The following MCC variants were observed in gnomAD, a reference collection of about 807,000 sequenced individuals.
MCC encodes the protein MCC regulator of Wnt signaling pathway, also known as colorectal mutant cancer protein.
MCC carries 90 observed loss-of-function variants against 116.2 expected under a neutral mutation model. The observed-to-expected ratio is 0.77, with a 90% CI of 0.65 to 0.92. The LOEUF (loss-of-function observed/expected upper bound fraction) is 0.92, where lower values mean the gene tolerates loss of function less well. MCC is among the 40% of genes least tolerant of loss of function. The pLI, the probability that MCC is intolerant of heterozygous loss-of-function variation, is 0.00. For missense variants in MCC, 1,516 were observed against 1,312.2 expected, an observed-to-expected ratio of 1.16 and a Z score of -2.40; for synonymous variants, 578 against 510.5, an observed-to-expected ratio of 1.13 and a Z score of -1.78.
chr5:113,373,005 C>T (rs980262262), intron 2 of MCC, among the ~76,000 whole-genome samples: 1 of 151,954 alleles, frequency 6.6e-6, no homozygotes, highest in Admixed American at 6.6e-5. Flanking sequence ...CATGAAACCC[C>T]GTCTTTACTA....
chr5:113,429,120 T>C (rs1770556947), intron 1 of MCC, among the ~76,000 whole-genome samples: 2 of 152,172 alleles, frequency 1.3e-5, no homozygotes, highest in African/African-American at 4.8e-5. Flanking sequence ...GTATAGTGAA[T>C]TGTGTTCCCC....
Position 113,333,295 on chromosome 5 carries a change from C to A in MCC, c.627+7224G>T, listed in dbSNP as rs112309423. Among the ~76,000 whole-genome samples, 152 of 151,732 alleles carry A rather than the reference C, an allele frequency of 1.0e-3. 9 individuals are homozygous for A. Among genetic ancestry groups the A allele is most frequent in the African/African-American group, 3.5e-3 (143 of 41,070 alleles). Reference sequence around the variant, plus strand: ...TGTATCAAGTTTCAGTTAATAACGACTATATTAATAATTTTGATCATATAG... The same window carrying A: ...TGTATCAAGTTTCAGTTAATAACGAATATATTAATAATTTTGATCATATAG... On this transcript the variant is annotated intron_variant, in intron 3 of 18. Coordinates refer to ENST00000408903, the MANE Select transcript of MCC (RefSeq NM_001085377.2).
At chr5:113,395,068 A>G (rs1353400736) in intron 1 of MCC, among the ~76,000 whole-genome samples, 3 of 152,238 alleles carry the variant, frequency 2.0e-5, no homozygotes, top group Non-Finnish European at 4.4e-5. Flanking sequence ...CTAGAGGACA[A>G]AGTTCATTCC....
chr5:113,250,009 C>G (rs1440402045), intron 3 of MCC, among the ~76,000 whole-genome samples: 1 of 152,202 alleles, frequency 6.6e-6, no homozygotes, highest in Non-Finnish European at 1.5e-5. Flanking sequence ...TCAGGAACCA[C>G]CACCAAATAA....
In MCC at chr5:113,125,462, A is replaced by G. The variant is rs139114658; in HGVS notation, c.885-2636T>C. Among the ~76,000 whole-genome samples the G allele has an allele frequency of 3.2e-3, 486 of 152,274 alleles. 2 individuals are homozygous for G. Among genetic ancestry groups the G allele is most frequent in the Admixed American group, 5.1e-3 (78 of 15,302 alleles). ...TGTTAAACTGAGCTTAAATATTAGA[A>G]AGTTCATGCACCCTGTTGTGTCTCC... On this transcript the variant is annotated intron_variant, in intron 5 of 18. Transcript: ENST00000408903.
intron 3 of MCC, among the ~76,000 whole-genome samples, chr5:113,274,647 C>A (rs1230793776): frequency 6.6e-6 from 1 of 152,148 alleles, no homozygotes; most frequent in Non-Finnish European, 1.5e-5. Flanking sequence ...AGGTGTGAGC[C>A]ACCACCCCCA....
intron 5 of MCC, among the ~76,000 whole-genome samples, chr5:113,128,346 C>T (rs1758206008): frequency 6.6e-6 from 1 of 152,228 alleles, no homozygotes; most frequent in Non-Finnish European, 1.5e-5. Context: ...TTTGGGCGAA[C>T]TGCATTCTTT....
chr5:113,302,136 A>C (rs1209143377), intron 3 of MCC, among the ~76,000 whole-genome samples: 1 of 152,226 alleles, frequency 6.6e-6, no homozygotes, highest in Admixed American at 6.5e-5. Context: ...TATTAGCATA[A>C]TGGCTACGAA....
intron 3 of MCC, among the ~76,000 whole-genome samples, chr5:113,236,845 T>A (rs929925906): frequency 6.6e-6 from 1 of 152,022 alleles, no homozygotes; most frequent in Non-Finnish European, 1.5e-5. Context: ...CTACACTTGG[T>A]GGGTGGCTTC....
intron 3 of MCC, among the ~76,000 whole-genome samples, chr5:113,266,879 C>G (rs1765441339): frequency 6.6e-6 from 1 of 151,964 alleles, no homozygotes; most frequent in Non-Finnish European, 1.5e-5. Context: ...CACAATGGGT[C>G]ATAAAATCAG....
intron 3 of MCC, among the ~76,000 whole-genome samples, chr5:113,256,085 C>T (rs752723633): frequency 2.8e-4 from 42 of 152,210 alleles, no homozygotes; most frequent in African/African-American, 7.9e-4. Context: ...TCCCTTGTTC[C>T]GAGAATTCAC....
chr5:113,171,473 G>T (rs1385355273), intron 3 of MCC, among the ~76,000 whole-genome samples: 2 of 151,866 alleles, frequency 1.3e-5, no homozygotes, highest in South Asian at 4.2e-4. Flanking sequence ...TGGTGCCTCA[G>T]CCTCCTGAGT....
intron 3 of MCC, among the ~76,000 whole-genome samples, chr5:113,298,357 G>A (rs1766763713): frequency 6.6e-6 from 1 of 152,220 alleles, no homozygotes; most frequent in African/African-American, 2.4e-5. Flanking sequence ...CCTACTGACT[G>A]ATAAGGTCAT....
chr5:113,191,951 G>T (rs1337106802), intron 3 of MCC, among the ~76,000 whole-genome samples: 1 of 152,206 alleles, frequency 6.6e-6, no homozygotes, highest in Non-Finnish European at 1.5e-5. Context: ...CCCTGGATAA[G>T]TTAGGTTACC....
At chr5:113,178,112 G>C (rs906570601) in intron 3 of MCC, among the ~76,000 whole-genome samples, 3 of 152,216 alleles carry the variant, frequency 2.0e-5, no homozygotes, top group Admixed American at 2.0e-4. Context: ...AGTGGGGTAT[G>C]AGTGGCAGCG....
intron 3 of MCC, among the ~76,000 whole-genome samples, chr5:113,330,198 T>C (rs916757208): frequency 6.6e-6 from 1 of 152,220 alleles, no homozygotes; most frequent in African/African-American, 2.4e-5. Flanking sequence ...TTTTGTCCTG[T>C]CCATAAATGC....
chr5:113,442,629 T>C (rs1197345821), intron 1 of MCC, among the ~76,000 whole-genome samples: 2 of 152,074 alleles, frequency 1.3e-5, no homozygotes, highest in Non-Finnish European at 2.9e-5. Context: ...TTTATGTTTT[T>C]AGGTCTTACA....
chr5:113,145,998 T>G (rs1488244593), intron 4 of MCC, among the ~76,000 whole-genome samples: 3 of 152,148 alleles, frequency 2.0e-5, no homozygotes, highest in African/African-American at 7.2e-5. Context: ...AAAGACTCAA[T>G]GTATATTTGA....
chr5:113,292,556 T>C (rs1224158109), intron 3 of MCC, among the ~76,000 whole-genome samples: 1 of 151,924 alleles, frequency 6.6e-6, no homozygotes, highest in African/African-American at 2.4e-5. Flanking sequence ...TAGGGATTAC[T>C]TAGGGAGTGG....
Sources: allele counts gnomAD v4.1 joint callset (sites outside exome capture counted in the v4.1 genomes callset), GRCh38; gene constraint gnomAD v4.1.1; transcripts MANE v1.5; gene names NCBI Gene and HGNC (gene_info 2026-07-23, HGNC 2026-07-21).